DHX36: variants seen among roughly 807,000 people sequenced by gnomAD.
The protein encoded by DHX36 is ATP-dependent DNA/RNA helicase DHX36.
DHX36 carries 50 observed loss-of-function variants against 139.0 expected under a neutral mutation model. The observed-to-expected ratio is 0.36, with a 90% CI of 0.29 to 0.46. The LOEUF is 0.46. Among genes scored for constraint, DHX36 ranks in the 20% least tolerant of loss-of-function variants. The probability of loss-of-function intolerance (pLI) is 1.00; values close to 1 mark genes in which losing one functional copy is unlikely to be tolerated. For synonymous variants in DHX36, 425 were observed against 401.9 expected (o/e 1.06, Z -0.69); for missense variants, 1,024 against 1,211.3 (o/e 0.85, Z 2.29).
At chr3:154,278,185 C>G (rs1044519180) in intron 22 of DHX36, among the ~76,000 whole-genome samples, 3 of 151,986 alleles carry the variant, frequency 2.0e-5, no homozygotes, top group African/African-American at 4.8e-5. Context: ...AAATTATCAA[C>G]TTAAAAATTT....
At position 154,274,485 on chromosome 3, in the gene DHX36, A is replaced by G. The variant is rs887004909; in HGVS notation, c.*1686T>C. On this transcript the variant is annotated 3_prime_UTR_variant, in exon 25 of 25. Coordinates refer to ENST00000496811, the MANE Select transcript of DHX36 (RefSeq NM_020865.3). The stretch of plus-strand genomic sequence containing the variant: ...ACCGGCATTATCAAAGGCTCTGGTG[A>G]GTTCTATCTTTCCACTGAGCTAACC... The G allele has an allele frequency of 6.6e-6, 1 of 152,312 alleles. No individual in the cohort carries two copies. Among genetic ancestry groups the G allele is most frequent in the Non-Finnish European group, 1.5e-5 (1 of 68,244 alleles). 9.4% of individuals were successfully genotyped at this position (152,312 alleles called of 1,614,324 possible).
intron 3 of DHX36, chr3:154,311,896 G>A: frequency 2.4e-6 from 1 of 408,642 alleles, no homozygotes; most frequent in Non-Finnish European, 4.3e-6. Context: ...TAGAGACAAT[G>A]CTTTAAGTCA....
intron 17 of DHX36, among the ~76,000 whole-genome samples, chr3:154,285,250 G>A (rs1168645823): frequency 6.6e-6 from 1 of 152,048 alleles, no homozygotes; most frequent in Non-Finnish European, 1.5e-5. Context: ...CAAACTTTCT[G>A]TTAAATAAAG....
intron 9 of DHX36, among the ~76,000 whole-genome samples, chr3:154,302,349 C>G (rs1712331185): frequency 6.6e-6 from 1 of 152,156 alleles, no homozygotes; most frequent in Non-Finnish European, 1.5e-5. Context: ...TACACACTAA[C>G]TTTTTGATTT....
intron 9 of DHX36, among the ~76,000 whole-genome samples, chr3:154,302,792 C>T (rs948632366): frequency 2.0e-5 from 3 of 152,148 alleles, no homozygotes; most frequent in South Asian, 4.1e-4. Flanking sequence ...AAAACACTGA[C>T]ACCAGCCAGG....
chr3:154,306,369 A>T (rs2108356763), intron 5 of DHX36, 74 bp from the exon 6 acceptor site: 1 of 1,273,624 alleles, frequency 7.9e-7, no homozygotes, highest in African/African-American at 1.5e-5. Context: ...ATGAAAATCT[A>T]GGACTGTTGA....
At chr3:154,293,174 G>C (rs192854756) in intron 14 of DHX36, among the ~76,000 whole-genome samples, 1 of 152,050 alleles carries the variant, frequency 6.6e-6, no homozygotes, top group African/African-American at 2.4e-5. Flanking sequence ...AGAAACAGGC[G>C]AAAGGACAAA....
In DHX36 at chr3:154,272,694, T is replaced by G. The variant is rs185760580; in HGVS notation, c.*3477A>C. ...TATTGTCCAGGGAGGATGTATTATT[T>G]TAAAATCAGAACAAAAATCCCATTT... is the stretch of plus-strand genomic sequence containing the variant. On this transcript the variant is annotated 3_prime_UTR_variant, in exon 25 of 25. Transcript: ENST00000496811. 6.6e-6 allele frequency: 1 copy of G among 152,024 alleles called. No individual in the cohort carries two copies. The highest frequency in any genetic ancestry group is 1.5e-5 in the Non-Finnish European group (1 of 67,984). The allele number at this position is 152,024 out of a possible 1,614,324, so 9.4% of individuals were successfully genotyped here. A position where few individuals can be genotyped will look rare whatever the true frequency, so the allele number is the denominator to read the frequency against.
At chr3:154,295,655 C>T (rs1712015392) in intron 12 of DHX36, among the ~76,000 whole-genome samples, 1 of 152,112 alleles carries the variant, frequency 6.6e-6, no homozygotes, top group African/African-American at 2.4e-5. Context: ...TAAGTATTTT[C>T]CCCAAATTCT....
At chr3:154,286,951 CG>C (rs1248266289) in intron 17 of DHX36, among the ~76,000 whole-genome samples, 2 of 151,874 alleles carry the variant, frequency 1.3e-5, no homozygotes, top group African/African-American at 4.8e-5. Context: ...AGAGTCAAGA[CG>C]TTTTTGAAGA....
Position 154,292,601 on chromosome 3 carries a change from A to G in DHX36, c.1764T>C (p.Ala588=), listed in dbSNP as rs1235861061. The G allele has an allele frequency of 1.9e-6, 3 of 1,614,066 alleles. No individual in the cohort carries two copies. Among genetic ancestry groups the G allele is most frequent in the East Asian group, 4.5e-5 (2 of 44,860 alleles). The part of the protein sequence containing the change: ...DTQNNISTMS[A]EWVSKANAKQ... ...TGGCATTAGCTTTACTAACCCACTCAGCGGACATTGTACTGATATTGTTCT... is the reference window on the plus strand; with the variant it reads ...TGGCATTAGCTTTACTAACCCACTCGGCGGACATTGTACTGATATTGTTCT... Residue 588 remains alanine, a synonymous_variant, in exon 15 of 25, where the codon GCT becomes GCC. Transcript: ENST00000496811.
At chr3:154,290,346 T>G (rs1277401904) in intron 15 of DHX36, among the ~76,000 whole-genome samples, 3 of 152,082 alleles carry the variant, frequency 2.0e-5, no homozygotes, top group Non-Finnish European at 2.9e-5. Flanking sequence ...ATGATAAGAC[T>G]AGATGTAGGC....
chr3:154,287,371 T>C (rs1711578942), intron 17 of DHX36, among the ~76,000 whole-genome samples: 1 of 152,086 alleles, frequency 6.6e-6, no homozygotes, highest in South Asian at 2.1e-4. Flanking sequence ...ATTAGGAATT[T>C]AGACTGGGAG....
At chr3:154,293,609 GC>G in intron 14 of DHX36, 138 bp downstream of exon 14, 1 of 595,660 alleles carries the variant, frequency 1.7e-6, no homozygotes, top group Non-Finnish European at 2.9e-6. Context: ...ATAAAACTAT[GC>G]TCACTGCCAT....
intron 19 of DHX36, among the ~76,000 whole-genome samples, chr3:154,283,850 G>C (rs1719415635): frequency 6.6e-6 from 1 of 152,084 alleles, no homozygotes; most frequent in Non-Finnish European, 1.5e-5. Context: ...CGTGGCTTTT[G>C]GGAGCAGAAA....
In DHX36 at chr3:154,316,336, T is replaced by TTAA. The variant is rs113489034; in HGVS notation, c.244-174_244-173insTTA. ...TACCCCCCTTCCTAGACCTAATTAA[T>TTAA]TGTTAAAATTTTCGTACATATCCTT... On this transcript the variant is annotated intron_variant, in intron 1 of 24. Coordinates refer to ENST00000496811, the MANE Select transcript of DHX36 (RefSeq NM_020865.3). Among the ~76,000 whole-genome samples, 450 of 152,188 alleles carry TTAA rather than the reference T, an allele frequency of 3.0e-3. 3 individuals are homozygous for TTAA. The highest frequency in any genetic ancestry group is 0.01 in the African/African-American group (430 of 41,568).
At chr3:154,315,781 G>A (rs1712954631) in intron 2 of DHX36, among the ~76,000 whole-genome samples, 1 of 152,024 alleles carries the variant, frequency 6.6e-6, no homozygotes, top group African/African-American at 2.4e-5. Flanking sequence ...TAAATACAAA[G>A]AGGACAGGTA....
chr3:154,311,366 G>T (rs1389275203), intron 4 of DHX36, among the ~76,000 whole-genome samples: 1 of 151,680 alleles, frequency 6.6e-6, no homozygotes, highest in African/African-American at 2.4e-5. Context: ...TAACTGCAAG[G>T]TATTTATCCA....
At chr3:154,283,397 A>G (rs1042568596) in intron 19 of DHX36, 126 bp from the exon 20 acceptor site, 3 of 659,776 alleles carry the variant, frequency 4.5e-6, no homozygotes, top group Non-Finnish European at 7.8e-6. Context: ...TAAAAAATTC[A>G]AAGAATTTTA....
Sources: allele counts gnomAD v4.1 joint callset (sites outside exome capture counted in the v4.1 genomes callset), GRCh38; gene constraint gnomAD v4.1.1; transcripts MANE v1.5; gene names NCBI Gene and HGNC (gene_info 2026-07-23, HGNC 2026-07-21).